Variants in KIR2DL4 observed in about 807,000 individuals in gnomAD.
KIR2DL4 encodes killer cell immunoglobulin like receptor, two Ig domains and long cytoplasmic tail 4.
Under a neutral mutation model 31.0 loss-of-function variants are expected in KIR2DL4, and 41 were observed. That is an observed-to-expected ratio of 1.32 (90% confidence interval 1.03 to 1.72). KIR2DL4 has a LOEUF of 1.72. Among genes scored for constraint, KIR2DL4 ranks in the 40% most tolerant of loss-of-function variants. KIR2DL4 has a pLI of 0.00. For synonymous variants in KIR2DL4, 164 were observed against 133.6 expected (o/e 1.23, Z -1.57); for missense variants, 438 against 353.7 (o/e 1.24, Z -1.91).
chr19:54,803,747 T>C (rs1601103792), intron 1 of KIR2DL4, 56 bp downstream of exon 1: 1 of 1,589,388 alleles, frequency 6.3e-7, no homozygotes, highest in Non-Finnish European at 8.6e-7. Context: ...GCAGATTGGG[T>C]GTCTCCCCAG....
At chr19:54,813,843 A>T (rs2061033780) in exon 8 of KIR2DL4, 5 of 1,612,264 alleles carry the variant, frequency 3.1e-6, no homozygotes, top group Non-Finnish European at 2.5e-6. Flanking sequence ...TCTCTCCAGG[A>T]CTCTGATGAA....
Position 54,804,926 on chromosome 19 carries a change from C to T in KIR2DL4, c.210C>T (p.Val70=), listed in dbSNP as rs773785546. ...TGTACAAGAAAGATGGGGTCCCTGT[C>T]CCTGAGCTCTACAACAGAATATTCT... Residue 70 remains valine (V), a synonymous_variant, in exon 3 of 8, where the codon GTC becomes GTT. Transcript: ENST00000359085. 2.0e-5 allele frequency: 32 copies of T among 1,612,142 alleles called. 1 individual carries two copies. In the South Asian group the frequency reaches 3.1e-4, roughly 16 times the overall value.
exon 8 of KIR2DL4, chr19:54,814,359 CTCTTAA>C: frequency 1.9e-6 from 1 of 532,070 alleles, no homozygotes. Flanking sequence ...AAGAGGCTCT[CTCTTAA>C]CACGGCACTT....
intron 4 of KIR2DL4, among the ~76,000 whole-genome samples, chr19:54,807,338 G>A (rs1233147169): frequency 6.6e-6 from 1 of 151,428 alleles, no homozygotes; most frequent in Non-Finnish European, 1.5e-5. Flanking sequence ...TCATGGGAGT[G>A]CAGATGTCAC....
Position 54,808,895 on chromosome 19 carries a change from ACC to A in KIR2DL4, c.706+15_706+16del. 6.2e-7 allele frequency: 1 copy of A among 1,600,360 alleles called. No homozygotes were observed. The highest frequency in any genetic ancestry group is 8.5e-7 in the Non-Finnish European group (1 of 1,170,496). ...AAGCTTCAAAACTGGTAAGTGAAGG[ACC>A]CCTCTTATCTCTGCTTTTGGAAACC... On this transcript the variant is annotated intron_variant, in intron 5 of 7. Coordinates refer to ENST00000359085, the Ensembl canonical transcript of KIR2DL4.
At chr19:54,812,145 G>C (rs77611365) in intron 5 of KIR2DL4, among the ~76,000 whole-genome samples, 58,806 of 150,472 alleles carry the variant, frequency 0.39, 13,576 homozygotes, top group African/African-American at 0.6. Context: ...TGCACCTGGG[G>C]CTGTGCCAAT....
intron 4 of KIR2DL4, among the ~76,000 whole-genome samples, chr19:54,807,389 T>C (rs1360835763): frequency 6.6e-6 from 1 of 151,576 alleles, no homozygotes; most frequent in Non-Finnish European, 1.5e-5. Context: ...TTACACCCAC[T>C]AGTGGAATTG....
intron 5 of KIR2DL4, among the ~76,000 whole-genome samples, chr19:54,812,518 A>G (rs2060922796): frequency 6.6e-6 from 1 of 150,866 alleles, no homozygotes; most frequent in East Asian, 2.0e-4. Context: ...TTGCTATAAA[A>G]GAACACTTGA....
At position 54,813,348 on chromosome 19, in the gene KIR2DL4, G is replaced by C. The variant is rs867706258; in HGVS notation, c.810+120G>C. The C allele has an allele frequency of 9.4e-5, 141 of 1,496,086 alleles. 8 individuals are homozygous for C. The South Asian group carries it at 1.5e-3, about 16-fold the overall frequency. 92.7% of individuals were successfully genotyped at this position (1,496,086 alleles called of 1,614,324 possible). A position where few individuals can be genotyped will look rare whatever the true frequency, so the allele number is the denominator to read the frequency against. The stretch of plus-strand genomic sequence containing the variant: ...CTCTGGCCCAAGGCAGGAGCCAGAG[G>C]CAGAGCTTTCTAGAGAGAGCACCAG... On this transcript the variant is annotated intron_variant, in intron 6 of 7. Transcript: ENST00000359085.
At chr19:54,808,731 A>C in intron 4 of KIR2DL4, 102 bp from the exon 5 acceptor site, 1 of 890,854 alleles carries the variant, frequency 1.1e-6, no homozygotes. Context: ...AGGGCCCAAC[A>C]TTAGATAATA....
exon 8 of KIR2DL4, chr19:54,814,121 T>G: frequency 8.7e-6 from 14 of 1,608,804 alleles, no homozygotes; most frequent in Admixed American, 3.3e-5. Context: ...AAGGCGTGAG[T>G]CTCCATCTTA....
At chr19:54,809,168 C>G (rs2060707934) in intron 5 of KIR2DL4, among the ~76,000 whole-genome samples, 1 of 150,878 alleles carries the variant, frequency 6.6e-6, no homozygotes, top group Admixed American at 6.6e-5. Context: ...GCCTGCATTC[C>G]TAACTGGGAG....
At chr19:54,813,139 C>T in exon 6 of KIR2DL4, 1 of 1,501,594 alleles carries the variant, frequency 6.7e-7, no homozygotes, top group Non-Finnish European at 9.1e-7. Context: ...CGCCAGACAC[C>T]TGCATGCTGT....
chr19:54,813,319 A>G, intron 6 of KIR2DL4: 3 of 1,566,188 alleles, frequency 1.9e-6, no homozygotes, highest in Non-Finnish European at 1.7e-6. Flanking sequence ...ACTGGCAGGA[A>G]AGTCTCTGGC....
intron 5 of KIR2DL4, among the ~76,000 whole-genome samples, chr19:54,812,244 T>G (rs2060907224): frequency 6.6e-6 from 1 of 150,916 alleles, no homozygotes; most frequent in African/African-American, 2.5e-5. Context: ...AAGCAGCGAG[T>G]GACAACAGAA....
chr19:54,806,329 G>A, intron 4 of KIR2DL4, 85 bp downstream of exon 4: 1 of 1,376,048 alleles, frequency 7.3e-7, no homozygotes, highest in Non-Finnish European at 1.0e-6. Flanking sequence ...AGAGAAGCAT[G>A]GACAGATGTG....
chr19:54,806,353 G>A, intron 4 of KIR2DL4, 109 bp downstream of exon 4: 1 of 1,246,248 alleles, frequency 8.0e-7, no homozygotes, highest in Non-Finnish European at 1.1e-6. Flanking sequence ...AGAAGATGCA[G>A]CATGGTGTGA....
At chr19:54,806,221 A>T (rs1465961445) in exon 4 of KIR2DL4, 1 of 1,610,164 alleles carries the variant, frequency 6.2e-7, no homozygotes, top group African/African-American at 1.4e-5. Context: ...GACCCGAGTG[A>T]CCCACTGCCT....
Position 54,808,951 on chromosome 19 carries a change from G to A in KIR2DL4, c.706+68G>A, listed in dbSNP as rs796187875. 3.0e-5 allele frequency: 38 copies of A among 1,263,522 alleles called. 1 individual carries two copies. In the Middle Eastern group the frequency reaches 5.6e-4, roughly 19 times the overall value. The allele number at this position is 1,263,522 out of a possible 1,614,324, so 78.3% of individuals were successfully genotyped here. On this transcript the variant is annotated intron_variant, in intron 5 of 7. Coordinates refer to ENST00000359085, the Ensembl canonical transcript of KIR2DL4. Reference sequence around the variant, plus strand: ...GGAGGTAGAAGCCTTGGATTCAAGCGTTGGCTCAGCACCTGCCAGCTCTGT... The same window carrying A: ...GGAGGTAGAAGCCTTGGATTCAAGCATTGGCTCAGCACCTGCCAGCTCTGT...
Sources: allele counts gnomAD v4.1 joint callset (sites outside exome capture counted in the v4.1 genomes callset), GRCh38; gene constraint gnomAD v4.1.1; transcripts MANE v1.5; gene names NCBI Gene and HGNC (gene_info 2026-07-23, HGNC 2026-07-21).